SUMF1: variants seen among roughly 807,000 people sequenced by gnomAD.
SUMF1 encodes sulfatase modifying factor 1.
A neutral mutation model predicts 47.6 loss-of-function variants in SUMF1; 48 were observed. The observed-to-expected ratio is 1.01, with a 90% CI of 0.80 to 1.28. The LOEUF is 1.28. Among genes scored for constraint, SUMF1 ranks in the 50% most tolerant of loss-of-function variants. The pLI is 0.00. For missense variants in SUMF1, 571 were observed against 485.4 expected (o/e 1.18, Z -1.66); for synonymous variants, 230 against 192.1 (o/e 1.20, Z -1.63).
In SUMF1 at chr3:4,363,661, A is replaced by C. The variant is rs569176169; in HGVS notation, c.1015-1407T>G. ...GGTTTTCTAGATATACAATCATGTC[A>C]TCTGCAAACAGGGACAATTTGACTT... On this transcript the variant is annotated intron_variant, in intron 8 of 8. Transcript: ENST00000272902. Among the ~76,000 whole-genome samples, 29 of 150,526 alleles carry C rather than the reference A, an allele frequency of 1.9e-4. No homozygotes were observed. The South Asian group carries it at 6.6e-3, about 34-fold the overall frequency.
intron 8 of SUMF1, among the ~76,000 whole-genome samples, chr3:4,114,107 A>C (rs564689938): frequency 6.6e-6 from 1 of 152,254 alleles, no homozygotes; most frequent in African/African-American, 2.4e-5. Context: ...CCCACACTTA[A>C]ATTGAGGAAC....
At chr3:4,188,655 A>G (rs1163738431) in intron 8 of SUMF1, among the ~76,000 whole-genome samples, 1 of 152,106 alleles carries the variant, frequency 6.6e-6, no homozygotes, top group Admixed American at 6.5e-5. Flanking sequence ...CAAACTACTC[A>G]GGGTCATATT....
At chr3:4,181,989 A>G (rs1246672616) in intron 8 of SUMF1, among the ~76,000 whole-genome samples, 1 of 152,174 alleles carries the variant, frequency 6.6e-6, no homozygotes, top group African/African-American at 2.4e-5. Context: ...AGACTAAAAT[A>G]TACATAATTT....
rs1004008667 is a variant in SUMF1 at position 4,243,747 on chromosome 3, G to A, written c.1014+132583C>T. ...AGAAGAATGTATATTCTGTTGATTT[G>A]GGTTGAAGAGTTCTGAAGATATCTA... On this transcript the variant is annotated intron_variant and NMD_transcript_variant, in intron 8 of 12. Coordinates refer to the SUMF1 transcript ENST00000448413. Among the ~76,000 whole-genome samples the A allele has an allele frequency of 3.9e-5, 6 of 152,156 alleles. No individual in the cohort carries two copies. The South Asian group carries it at 6.2e-4, about 16-fold the overall frequency.
chr3:4,276,170 G>T (rs923609696), intron 8 of SUMF1, among the ~76,000 whole-genome samples: 3 of 152,092 alleles, frequency 2.0e-5, no homozygotes, highest in Non-Finnish European at 2.9e-5. Flanking sequence ...TCTGATAAGA[G>T]ATTTGAAGGG....
intron 8 of SUMF1, among the ~76,000 whole-genome samples, chr3:4,101,735 G>C (rs892924978): frequency 1.1e-4 from 16 of 152,102 alleles, no homozygotes; most frequent in African/African-American, 3.4e-4. Context: ...TTCTAGAGTG[G>C]ATCCACAGAA....
intron 8 of SUMF1, among the ~76,000 whole-genome samples, chr3:4,310,187 A>G (rs1309492801): frequency 1.3e-5 from 2 of 152,254 alleles, no homozygotes; most frequent in Non-Finnish European, 2.9e-5. Flanking sequence ...ATTATGCAGC[A>G]CATGACTACT....
chr3:4,350,355 ATAATTGTGTG>A (rs1379704811), intron 8 of SUMF1, among the ~76,000 whole-genome samples: 8 of 53,490 alleles, frequency 1.5e-4, no homozygotes, highest in Non-Finnish European at 2.8e-4. Context: ...GTGTGTGTGT[ATAATTGTGTG>A]TGTATAATTG....
chr3:4,356,864 G>C (rs1275821561), downstream of SUMF1, among the ~76,000 whole-genome samples: 5 of 152,192 alleles, frequency 3.3e-5, no homozygotes, highest in African/African-American at 1.2e-4. Flanking sequence ...AGCACGCTTA[G>C]AACAGGCCTC....
At chr3:4,281,706 G>A (rs140162692) in intron 8 of SUMF1, among the ~76,000 whole-genome samples, 81 of 151,736 alleles carry the variant, frequency 5.3e-4, no homozygotes, top group Non-Finnish European at 9.0e-4. Flanking sequence ...CAGGGGGAAA[G>A]GAAAATAAAT....
At chr3:4,174,546 AAC>A (rs199985734) in intron 8 of SUMF1, among the ~76,000 whole-genome samples, 82 of 84,900 alleles carry the variant, frequency 9.7e-4, no homozygotes, top group Middle Eastern at 0.013. Context: ...CTCTACTAAA[AAC>A]ACACACACAT....
intron 9 of SUMF1, among the ~76,000 whole-genome samples, chr3:4,053,213 G>A (rs994567006): frequency 4.6e-5 from 7 of 152,098 alleles, no homozygotes; most frequent in African/African-American, 1.2e-4. Context: ...GTGGAGAGAT[G>A]GAGGAACAGC....
chr3:4,420,342 T>A (rs1351659211), intron 3 of SUMF1, among the ~76,000 whole-genome samples, 196 bp from the exon 4 acceptor site: 27 of 151,638 alleles, frequency 1.8e-4, no homozygotes, highest in Admixed American at 1.8e-3. Context: ...CTTCATATCA[T>A]AAAGCCTCAC....
rs142471012 is a variant in SUMF1, at chr3:4,419,724, G to C, written c.602+340C>G. On this transcript the variant is annotated intron_variant, in intron 4 of 8. Coordinates refer to ENST00000272902, the MANE Select transcript of SUMF1 (RefSeq NM_182760.4). The stretch of plus-strand genomic sequence containing the variant: ...TAAGACAGACGTCTTCTTCCTCATA[G>C]ACCCGCTAATAATGGAAACAGAATG... Among the ~76,000 whole-genome samples, 45 of 152,152 alleles carry C rather than the reference G, an allele frequency of 3.0e-4. 1 individual carries two copies. Among genetic ancestry groups the C allele is most frequent in the African/African-American group, 1.0e-3 (42 of 41,508 alleles).
chr3:4,282,959 G>GTAC (rs1697558556), intron 8 of SUMF1, among the ~76,000 whole-genome samples: 2 of 152,108 alleles, frequency 1.3e-5, no homozygotes, highest in Admixed American at 1.3e-4. Context: ...CTGTAATCAT[G>GTAC]TACTACACTT....
intron 8 of SUMF1, among the ~76,000 whole-genome samples, chr3:4,365,479 T>A (rs1699921632): frequency 7.5e-6 from 1 of 132,552 alleles, no homozygotes; most frequent in South Asian, 2.3e-4. Flanking sequence ...AATGGCCTTC[T>A]TTGTCTCTTT....
chr3:4,390,862 T>C (rs1700839558), intron 7 of SUMF1, among the ~76,000 whole-genome samples: 1 of 152,210 alleles, frequency 6.6e-6, no homozygotes, highest in Non-Finnish European at 1.5e-5. Flanking sequence ...GCCACTCTGC[T>C]TTAACTTTCC....
chr3:4,313,739 C>T (rs775670266), intron 8 of SUMF1: 2 of 1,614,012 alleles, frequency 1.2e-6, no homozygotes, highest in South Asian at 2.2e-5. Context: ...GTGTTCCCCT[C>T]CTGCAAGCGA....
At chr3:4,123,379 A>G (rs1693588024) in intron 8 of SUMF1, among the ~76,000 whole-genome samples, 1 of 152,276 alleles carries the variant, frequency 6.6e-6, no homozygotes, top group Non-Finnish European at 1.5e-5. Flanking sequence ...AACACTTAAC[A>G]AATATTGATG....
Sources: gnomAD v4.1 joint callset for allele counts (sites outside exome capture counted in the v4.1 genomes callset) on GRCh38, gnomAD v4.1.1 for gene constraint, MANE v1.5 for transcripts, NCBI Gene and HGNC (gene_info 2026-07-23, HGNC 2026-07-21) for gene names.